Variants in TM7SF3 observed in about 807,000 individuals in gnomAD.
TM7SF3 encodes the protein seven span transmembrane protein.
TM7SF3 carries 60 observed loss-of-function variants against 65.5 expected under a neutral mutation model. That is an observed-to-expected ratio of 0.92 (90% confidence interval 0.74 to 1.14). The LOEUF (loss-of-function observed/expected upper bound fraction) is 1.14. TM7SF3 is among the 50% of genes most tolerant of loss of function. TM7SF3 has a pLI of 0.00. For missense variants in TM7SF3, 623 were observed against 684.8 expected (o/e 0.91, Z 1.01); for synonymous variants, 264 against 259.6 (o/e 1.02, Z -0.16).
In TM7SF3 at chr12:27,003,385, T is replaced by A. The variant is rs751505090; in HGVS notation, c.97A>T (p.Ile33Phe). Residue 33 changes from isoleucine to phenylalanine, a missense_variant, in exon 2 of 12, where the codon ATT becomes TTT. Physicochemically the swap from Ile to Phe is conservative, Grantham distance 21 (BLOSUM62 0). Coordinates refer to ENST00000343028, the MANE Select transcript of TM7SF3 (RefSeq NM_016551.3). The stretch of plus-strand genomic sequence containing the variant: ...CTAAATTTCCCCACAGAAAATTCAA[T>A]AAGACCTACAACGAGATAAACTTTT... The part of the protein sequence containing the change: ...EVFGNSSEGL[I>F]EFSVGKFRYF... The A allele has an allele frequency of 6.2e-7, 1 of 1,610,686 alleles. No homozygotes were observed. Among genetic ancestry groups the A allele is most frequent in the South Asian group, 1.1e-5 (1 of 90,240 alleles).
chr12:27,005,804 AT>A (rs777552897), intron 1 of TM7SF3, among the ~76,000 whole-genome samples: 516 of 144,524 alleles, frequency 3.6e-3, no homozygotes, highest in South Asian at 7.9e-3. Context: ...ATTTTAACTG[AT>A]TTTTTTTTTT....
intron 8 of TM7SF3, chr12:26,980,145 C>A: frequency 1.7e-6 from 1 of 603,490 alleles, no homozygotes; most frequent in Non-Finnish European, 2.9e-6. Context: ...GGGAGCTAAA[C>A]CTCACAGGGC....
chr12:26,999,081 C>A (rs1055041957), intron 3 of TM7SF3, among the ~76,000 whole-genome samples: 1 of 152,146 alleles, frequency 6.6e-6, no homozygotes, highest in Non-Finnish European at 1.5e-5. Flanking sequence ...AGTCATCGTG[C>A]TAATTCTCTT....
Position 26,992,270 on chromosome 12 carries a change from T to TTA in TM7SF3, c.691-1644_691-1643insTA, listed in dbSNP as rs1565878005. Among the ~76,000 whole-genome samples the TTA allele has an allele frequency of 3.4e-3, 520 of 151,316 alleles. 6 individuals are homozygous for TTA. The highest frequency in any genetic ancestry group is 0.012 in the African/African-American group (489 of 41,328). On this transcript the variant is annotated intron_variant, in intron 5 of 11. Transcript: ENST00000343028. The stretch of plus-strand genomic sequence containing the variant: ...TCTAACACAAAGGCTATTTTATTTT[T>TTA]TTATTATTATTATTATTATTATTGA...
intron 9 of TM7SF3, chr12:26,978,721 G>A (rs980558807): frequency 8.0e-5 from 12 of 150,626 alleles, no homozygotes; most frequent in African/African-American, 2.9e-4. Flanking sequence ...GAGACCACAG[G>A]TGTGCACTAC....
chr12:26,980,929 C>G (rs1939787970), intron 7 of TM7SF3, among the ~76,000 whole-genome samples: 1 of 152,118 alleles, frequency 6.6e-6, no homozygotes, highest in African/African-American at 2.4e-5. Context: ...GTTATTTGTT[C>G]ATTTCATAGC....
chr12:26,985,806 G>GT (rs149988617), intron 6 of TM7SF3, among the ~76,000 whole-genome samples: 20,473 of 52,532 alleles, frequency 0.39, 6,602 homozygotes, highest in Admixed American at 0.42. Context: ...TTTCTTTTTC[G>GT]TTTTTTTTTT....
rs1939464473 is a variant in TM7SF3, at chr12:26,974,026, T to TG, written c.1651dup (p.Gln551ProfsTer3). The TG allele has an allele frequency of 6.2e-7, 1 of 1,614,026 alleles. No homozygotes were observed. The highest frequency in any genetic ancestry group is 1.3e-5 in the African/African-American group (1 of 74,908). Reference sequence around the variant, plus strand: ...CTCCTTCTGGAAGAGCCCTTTAATCTGGGTTAATCGGCCATAGAGCCTCTC... The same window carrying TG: ...CTCCTTCTGGAAGAGCCCTTTAATCTGGGGTTAATCGGCCATAGAGCCTCTC... On this transcript the variant is annotated frameshift_variant, in exon 12 of 12. Coordinates refer to ENST00000343028, the MANE Select transcript of TM7SF3 (RefSeq NM_016551.3). LOFTEE classifies it high-confidence loss of function.
At chr12:26,978,077 CAGAA>C (rs1263443970) in intron 9 of TM7SF3, 2 of 452,154 alleles carry the variant, frequency 4.4e-6, no homozygotes, top group Admixed American at 2.4e-5. Flanking sequence ...GCATGGGTGA[CAGAA>C]AGAGATCCTG....
At chr12:27,012,968 A>G (rs966843943) in intron 1 of TM7SF3, 21 of 221,024 alleles carry the variant, frequency 9.5e-5, no homozygotes, top group African/African-American at 4.8e-4. Context: ...ACTGCACTCC[A>G]GCCTAGGCGA....
At chr12:26,982,726 C>G (rs1353473174) in intron 7 of TM7SF3, 47 bp downstream of exon 7, 2 of 1,384,738 alleles carry the variant, frequency 1.4e-6, no homozygotes, top group Non-Finnish European at 1.0e-6. Flanking sequence ...CCCAGCAACA[C>G]TGAAAAGACT....
At chr12:26,999,430 G>T in intron 3 of TM7SF3, 96 bp downstream of exon 3, 4 of 1,298,842 alleles carry the variant, frequency 3.1e-6, no homozygotes, top group Admixed American at 2.3e-5. Flanking sequence ...AATTATACTT[G>T]CAACAAACAA....
chr12:26,987,275 C>A (rs779182326), intron 6 of TM7SF3, among the ~76,000 whole-genome samples: 3 of 152,214 alleles, frequency 2.0e-5, no homozygotes, highest in Non-Finnish European at 4.4e-5. Flanking sequence ...CAATAGGGTT[C>A]TCAAACTGAA....
At chr12:26,985,583 C>T (rs1940012623) in intron 6 of TM7SF3, among the ~76,000 whole-genome samples, 4 of 131,684 alleles carry the variant, frequency 3.0e-5, no homozygotes, top group African/African-American at 8.6e-5. Flanking sequence ...TGAGATCATG[C>T]CACTGCACTC....
Position 26,987,593 on chromosome 12 carries a change from T to C in TM7SF3, c.868+2857A>G, listed in dbSNP as rs116030274. Among the ~76,000 whole-genome samples, 1,178 of 152,262 alleles carry C rather than the reference T, an allele frequency of 7.7e-3. 11 individuals are homozygous for C. Among genetic ancestry groups the C allele is most frequent in the African/African-American group, 0.026 (1,089 of 41,522 alleles). ...TAAAATAAATACATGGATAAATAAA[T>C]GGCAGGGGAGGGAAAACCCTTCCTC... On this transcript the variant is annotated intron_variant, in intron 6 of 11. Transcript: ENST00000343028.
Position 26,995,361 on chromosome 12 carries a change from C to T in TM7SF3, c.566G>A (p.Arg189Lys). 1 of 1,614,180 alleles carries T rather than the reference C, an allele frequency of 6.2e-7. No homozygotes were observed. Among genetic ancestry groups the T allele is most frequent in the East Asian group, 2.2e-5 (1 of 44,888 alleles). The part of the protein sequence containing the change: ...PCDAGTDQDS[R>K]WRLQYDVYQY... The stretch of plus-strand genomic sequence containing the variant: ...ATAGACATCATACTGCAACCTCCAC[C>T]TGGAGTCCTGGTCTGTCCCAGCGTC... Residue 189 changes from arginine to lysine, a missense_variant, in exon 5 of 12, where the codon AGG becomes AAG. By Grantham distance (26) the Arg-to-Lys change is conservative (BLOSUM62 2). Coordinates refer to ENST00000343028, the MANE Select transcript of TM7SF3 (RefSeq NM_016551.3).
At chr12:26,981,175 T>C (rs1939797468) in intron 7 of TM7SF3, among the ~76,000 whole-genome samples, 1 of 152,234 alleles carries the variant, frequency 6.6e-6, no homozygotes, top group East Asian at 1.9e-4. Context: ...CACCTGGTAA[T>C]GCAAGTATAC....
intron 4 of TM7SF3, among the ~76,000 whole-genome samples, chr12:26,996,274 T>C (rs1385710674): frequency 6.6e-6 from 1 of 152,058 alleles, no homozygotes; most frequent in African/African-American, 2.4e-5. Context: ...TTCATAAAAT[T>C]GTTAGGATTA....
At chr12:26,991,313 C>T (rs529250768) in intron 5 of TM7SF3, among the ~76,000 whole-genome samples, 23 of 151,240 alleles carry the variant, frequency 1.5e-4, no homozygotes, top group Non-Finnish European at 2.8e-4. Context: ...CCACCGCGCC[C>T]GGCTAATTTT....
Sources: gnomAD v4.1 joint callset for allele counts (sites outside exome capture counted in the v4.1 genomes callset) on GRCh38, gnomAD v4.1.1 for gene constraint, MANE v1.5 for transcripts, NCBI Gene and HGNC (gene_info 2026-07-23, HGNC 2026-07-21) for gene names.